OSBPL1A: variants seen among roughly 807,000 people sequenced by gnomAD.
OSBPL1A encodes oxysterol-binding protein-related protein 1.
Under a neutral mutation model 137.1 loss-of-function variants are expected in OSBPL1A, and 80 were observed. That is an observed-to-expected ratio of 0.58 (90% confidence interval 0.49 to 0.70). OSBPL1A has a LOEUF of 0.70. Among genes scored for constraint, OSBPL1A ranks in the 30% least tolerant of loss-of-function variants. The pLI is 0.00. For missense variants in OSBPL1A, 970 were observed against 1,129.4 expected (o/e 0.86, Z 2.02); for synonymous variants, 365 against 389.7 (o/e 0.94, Z 0.75).
At chr18:24,236,313 T>C (rs1237109628) in intron 16 of OSBPL1A, among the ~76,000 whole-genome samples, 1 of 151,882 alleles carries the variant, frequency 6.6e-6, no homozygotes, top group Non-Finnish European at 1.5e-5. Context: ...CCAGAACAAA[T>C]GAGGAAGAGA....
At chr18:24,376,936 G>A (rs1043412149) in intron 2 of OSBPL1A, among the ~76,000 whole-genome samples, 1 of 152,204 alleles carries the variant, frequency 6.6e-6, no homozygotes, top group African/African-American at 2.4e-5. Flanking sequence ...CGCAAACGCC[G>A]CGCGCAGCCC....
chr18:24,272,322 G>A, intron 15 of OSBPL1A: 2 of 968,336 alleles, frequency 2.1e-6, no homozygotes, highest in African/African-American at 3.6e-5. Context: ...CTTCTCTCCA[G>A]TCCTGCCTGT....
chr18:24,266,976 A>G (rs9966640), intron 15 of OSBPL1A, among the ~76,000 whole-genome samples: 9,106 of 152,066 alleles, frequency 0.06, 389 homozygotes, highest in African/African-American at 0.12. Flanking sequence ...GATGCAATAG[A>G]TAAGAAACTA....
chr18:24,239,505 CGT>C (rs1317248602), intron 15 of OSBPL1A, 123 bp from the exon 16 acceptor site: 2 of 931,068 alleles, frequency 2.1e-6, no homozygotes, highest in African/African-American at 3.3e-5. Context: ...TGAAAACAGT[CGT>C]GTCACATGTG....
At chr18:24,300,947 C>G (rs1174875659) in intron 14 of OSBPL1A, among the ~76,000 whole-genome samples, 3 of 152,164 alleles carry the variant, frequency 2.0e-5, no homozygotes, top group Admixed American at 6.5e-5. Flanking sequence ...CCTCTCACCT[C>G]AGCCTCACCC....
intron 15 of OSBPL1A, among the ~76,000 whole-genome samples, chr18:24,269,978 TTTATAAC>T (rs2089678805): frequency 1.3e-5 from 2 of 152,160 alleles, no homozygotes; most frequent in Non-Finnish European, 2.9e-5. Flanking sequence ...CTTCATTCTA[TTTATAAC>T]TTATGTCTTA....
At chr18:24,371,560 C>A (rs1905641004) in intron 2 of OSBPL1A, among the ~76,000 whole-genome samples, 1 of 152,144 alleles carries the variant, frequency 6.6e-6, no homozygotes, top group Non-Finnish European at 1.5e-5. Flanking sequence ...TTCAACCTCT[C>A]CCCCTTTAGT....
chr18:24,306,439 G>T (rs562360755), intron 13 of OSBPL1A, among the ~76,000 whole-genome samples: 1 of 152,214 alleles, frequency 6.6e-6, no homozygotes, highest in African/African-American at 2.4e-5. Flanking sequence ...TCCACATTTG[G>T]TTAATTAAGC....
In OSBPL1A at chr18:24,306,419, C is replaced by T. The variant is rs2090502232; in HGVS notation, c.1093-2701G>A. Among the ~76,000 whole-genome samples the T allele has an allele frequency of 2.0e-5, 3 of 152,170 alleles. No individual in the cohort carries two copies. The South Asian group carries it at 6.2e-4, about 32-fold the overall frequency. On this transcript the variant is annotated intron_variant, in intron 13 of 27. Transcript: ENST00000319481. ...GAAGTAATTAATTCCAGGCTATTTG[C>T]TGCAGAAAATCCACATTTGGTTAAT... is the stretch of plus-strand genomic sequence containing the variant.
At chr18:24,304,675 C>T (rs1004873016) in intron 13 of OSBPL1A, among the ~76,000 whole-genome samples, 1 of 152,112 alleles carries the variant, frequency 6.6e-6, no homozygotes, top group Admixed American at 6.6e-5. Context: ...ACATTTTGCA[C>T]CCCCAAAATC....
chr18:24,305,377 G>C (rs1228314638), intron 13 of OSBPL1A, among the ~76,000 whole-genome samples: 1 of 149,934 alleles, frequency 6.7e-6, no homozygotes, highest in Non-Finnish European at 1.5e-5. Context: ...GTACATAACA[G>C]GTCAGCTGGA....
chr18:24,379,833 T>A (rs1906455971), intron 1 of OSBPL1A, among the ~76,000 whole-genome samples: 1 of 152,106 alleles, frequency 6.6e-6, no homozygotes, highest in Non-Finnish European at 1.5e-5. Flanking sequence ...ATCACGCCAC[T>A]GCACTCCAGC....
chr18:24,347,255 C>T (rs919648566), intron 4 of OSBPL1A, among the ~76,000 whole-genome samples: 2 of 152,154 alleles, frequency 1.3e-5, no homozygotes, highest in East Asian at 3.9e-4. Context: ...TGGCTCACTG[C>T]AACCTCTGCT....
chr18:24,200,279 T>A (rs1475863516), intron 17 of OSBPL1A, among the ~76,000 whole-genome samples: 1 of 151,956 alleles, frequency 6.6e-6, no homozygotes, highest in African/African-American at 2.4e-5. Flanking sequence ...AAGTAAAAAA[T>A]CAGGCCGGGC....
chr18:24,243,014 G>A (rs1395387424), intron 15 of OSBPL1A, among the ~76,000 whole-genome samples: 2 of 152,122 alleles, frequency 1.3e-5, no homozygotes, highest in Admixed American at 1.3e-4. Flanking sequence ...GAGGCGGGCA[G>A]ATCACTTGAC....
At chr18:24,361,439 C>T (rs1263934355) in intron 4 of OSBPL1A, among the ~76,000 whole-genome samples, 1 of 152,078 alleles carries the variant, frequency 6.6e-6, no homozygotes, top group Non-Finnish European at 1.5e-5. Context: ...AAGTTAGTTT[C>T]CAAAAATCTA....
At chr18:24,315,777 A>T (rs2090715391) in intron 11 of OSBPL1A, among the ~76,000 whole-genome samples, 1 of 118,590 alleles carries the variant, frequency 8.4e-6, no homozygotes. Flanking sequence ...ATTATATAAT[A>T]AAAAATATAA....
chr18:24,362,527 T>G (rs895017697), intron 4 of OSBPL1A, among the ~76,000 whole-genome samples: 6 of 152,178 alleles, frequency 3.9e-5, no homozygotes, highest in African/African-American at 1.4e-4. Context: ...ATCTAGTCAT[T>G]AGAATAATGA....
At chr18:24,277,846 C>A (rs1254626867) in intron 15 of OSBPL1A, among the ~76,000 whole-genome samples, 2 of 152,142 alleles carry the variant, frequency 1.3e-5, no homozygotes, top group African/African-American at 4.8e-5. Context: ...AGAAGGAAAT[C>A]TATGGATTCT....
Sources: allele counts gnomAD v4.1 joint callset (sites outside exome capture counted in the v4.1 genomes callset), GRCh38; gene constraint gnomAD v4.1.1; transcripts MANE v1.5; gene names NCBI Gene and HGNC (gene_info 2026-07-23, HGNC 2026-07-21).